The following CTNNA2 variants were observed in gnomAD, a reference collection of about 807,000 sequenced individuals.
CTNNA2 encodes catenin alpha 2.
CTNNA2 carries 42 observed loss-of-function variants against 101.0 expected under a neutral mutation model. That is an observed-to-expected ratio of 0.42 (90% CI 0.32 to 0.54). The LOEUF (loss-of-function observed/expected upper bound fraction) is 0.54. CTNNA2 is among the 20% of genes least tolerant of loss of function. The pLI, the probability that CTNNA2 is intolerant of heterozygous loss-of-function variation, is 0.14. For missense variants in CTNNA2, 871 were observed against 1,223.1 expected, an observed-to-expected ratio of 0.71 and a Z score of 4.29; for synonymous variants, 450 against 456.4, an observed-to-expected ratio of 0.99 and a Z score of 0.18.
At chr2:79,721,794 T>A (rs1346451170) in intron 2 of CTNNA2, among the ~76,000 whole-genome samples, 2 of 152,192 alleles carry the variant, frequency 1.3e-5, no homozygotes, top group Non-Finnish European at 2.9e-5. Flanking sequence ...ATTAGAAAAG[T>A]GTACTGCCAC....
intron 2 of CTNNA2, among the ~76,000 whole-genome samples, chr2:79,716,809 T>A (rs1321398274): frequency 6.6e-6 from 1 of 152,036 alleles, no homozygotes; most frequent in African/African-American, 2.4e-5. Context: ...GAGGTACCAA[T>A]TGACTGCAGG....
intron 7 of CTNNA2, among the ~76,000 whole-genome samples, chr2:80,065,711 C>G (rs59997606): frequency 0.11 from 17,213 of 152,136 alleles, 1,117 homozygotes; most frequent in African/African-American, 0.18. Context: ...TTTCTCCATA[C>G]CTTACAGTGT....
chr2:79,952,645 C>G (rs753684338), intron 7 of CTNNA2, among the ~76,000 whole-genome samples: 14 of 152,090 alleles, frequency 9.2e-5, no homozygotes, highest in Non-Finnish European at 1.9e-4. Flanking sequence ...AAATTGAATC[C>G]TAGTCTGGGA....
intron 7 of CTNNA2, among the ~76,000 whole-genome samples, chr2:79,980,391 A>C (rs1254061115): frequency 6.6e-6 from 1 of 152,134 alleles, no homozygotes; most frequent in African/African-American, 2.4e-5. Context: ...GGGCTATGAC[A>C]TTGATTAGTA....
intron 4 of CTNNA2, among the ~76,000 whole-genome samples, chr2:79,415,276 A>T (rs1322728692): frequency 6.6e-6 from 1 of 152,142 alleles, no homozygotes; most frequent in Non-Finnish European, 1.5e-5. Flanking sequence ...TTGCCACATG[A>T]CATGCCTGCT....
At position 79,202,246 on chromosome 2, in the gene CTNNA2, G is replaced by C. The variant is rs575961328; in HGVS notation, c.-406+4170G>C. 1.4e-3 allele frequency among the ~76,000 whole-genome samples: 217 copies of C among 152,190 alleles called. 1 individual carries two copies. The highest frequency in any genetic ancestry group is 4.7e-3 in the African/African-American group (196 of 41,510). On this transcript the variant is annotated intron_variant, in intron 2 of 21. Coordinates refer to the CTNNA2 transcript ENST00000466387. ...CCAGCTTGATTTTCTTCTTTAGCTT[G>C]GTGATTTTGGAGTCTCAAGATTTAT...
At chr2:80,195,478 A>G (rs1573359921) in intron 7 of CTNNA2, among the ~76,000 whole-genome samples, 1 of 152,132 alleles carries the variant, frequency 6.6e-6, no homozygotes, top group Non-Finnish European at 1.5e-5. Context: ...TTATTTTGAC[A>G]AATCGAGTCC....
intron 18 of CTNNA2, among the ~76,000 whole-genome samples, chr2:80,633,074 G>T (rs1672465729): frequency 6.6e-6 from 1 of 152,124 alleles, no homozygotes; most frequent in Non-Finnish European, 1.5e-5. Context: ...ACTAGTGGTT[G>T]AACAAGAAAT....
At chr2:80,262,361 C>A (rs1326905547) in intron 7 of CTNNA2, among the ~76,000 whole-genome samples, 2 of 152,140 alleles carry the variant, frequency 1.3e-5, no homozygotes, top group African/African-American at 4.8e-5. Flanking sequence ...TACCCTATTG[C>A]TAGGAATATG....
At chr2:80,597,636 A>G (rs1697101185) in intron 15 of CTNNA2, among the ~76,000 whole-genome samples, 1 of 152,132 alleles carries the variant, frequency 6.6e-6, no homozygotes, top group African/African-American at 2.4e-5. Flanking sequence ...AAGAAAAAAA[A>G]CACCACCTTC....
At chr2:79,309,432 A>G (rs933257184) in intron 2 of CTNNA2, among the ~76,000 whole-genome samples, 1 of 152,232 alleles carries the variant, frequency 6.6e-6, no homozygotes, top group Admixed American at 6.5e-5. Flanking sequence ...AAGTGTTTCA[A>G]TGAATCCAGC....
At chr2:79,560,538 T>G (rs537218121) in intron 1 of CTNNA2, among the ~76,000 whole-genome samples, 1 of 152,048 alleles carries the variant, frequency 6.6e-6, no homozygotes, top group South Asian at 2.1e-4. Context: ...TAGGAGTATG[T>G]GGCAGGTGCA....
intron 7 of CTNNA2, among the ~76,000 whole-genome samples, chr2:80,085,560 A>G (rs887621493): frequency 6.6e-6 from 1 of 152,096 alleles, no homozygotes; most frequent in African/African-American, 2.4e-5. Context: ...TTCCTGAGGC[A>G]TGTATAATGG....
chr2:80,308,019 C>G (rs1677190950), intron 7 of CTNNA2, among the ~76,000 whole-genome samples: 1 of 152,172 alleles, frequency 6.6e-6, no homozygotes, highest in Non-Finnish European at 1.5e-5. Flanking sequence ...TTAGAGAGGC[C>G]AGAAGTATAG....
At chr2:80,489,431 C>A (rs945198948) in intron 9 of CTNNA2, among the ~76,000 whole-genome samples, 8 of 152,110 alleles carry the variant, frequency 5.3e-5, no homozygotes, top group Non-Finnish European at 1.0e-4. Flanking sequence ...CACAAGCTAC[C>A]TTATAAATGC....
chr2:79,603,758 T>C (rs577614747), intron 1 of CTNNA2, among the ~76,000 whole-genome samples: 20 of 152,254 alleles, frequency 1.3e-4, no homozygotes, highest in Non-Finnish European at 2.8e-4. Context: ...AGACATAAAG[T>C]AAGGGCTAAA....
At chr2:80,055,172 G>A (rs147264395) in intron 7 of CTNNA2, among the ~76,000 whole-genome samples, 12 of 152,028 alleles carry the variant, frequency 7.9e-5, no homozygotes, top group East Asian at 3.9e-4. Flanking sequence ...GACTACAGGC[G>A]CACACCACCA....
At chr2:79,357,670 T>G (rs1677537532) in intron 3 of CTNNA2, among the ~76,000 whole-genome samples, 1 of 152,010 alleles carries the variant, frequency 6.6e-6, no homozygotes, top group Non-Finnish European at 1.5e-5. Flanking sequence ...AAATCATACC[T>G]GAGCACATCA....
At chr2:79,330,368 A>G (rs1186831319) in intron 3 of CTNNA2, among the ~76,000 whole-genome samples, 1 of 152,208 alleles carries the variant, frequency 6.6e-6, no homozygotes, top group East Asian at 1.9e-4. Flanking sequence ...GAGGTTTTCC[A>G]GAAAGACAAG....
Sources: allele counts gnomAD v4.1 joint callset (sites outside exome capture counted in the v4.1 genomes callset), GRCh38; gene constraint gnomAD v4.1.1; transcripts MANE v1.5; gene names NCBI Gene and HGNC (gene_info 2026-07-23, HGNC 2026-07-21).